Variants in TFPI observed in about 807,000 individuals in gnomAD.
TFPI encodes tissue factor pathway inhibitor.
TFPI carries 15 observed loss-of-function variants against 34.6 expected under a neutral mutation model. The observed-to-expected ratio is 0.43, with a 90% CI of 0.29 to 0.67. TFPI has a LOEUF of 0.67. TFPI is among the 30% of genes least tolerant of loss of function. TFPI has a pLI of 0.15. For missense variants in TFPI, 301 were observed against 364.0 expected (o/e 0.83, Z 1.41); for synonymous variants, 105 against 120.1 (o/e 0.87, Z 0.82).
At chr2:187,483,854 CAT>C (rs1693057033) in intron 6 of TFPI, 1 of 390,636 alleles carries the variant, frequency 2.6e-6, no homozygotes, top group African/African-American at 2.1e-5. Context: ...ATAAATTTGG[CAT>C]AGAGTTAAAT....
intron 6 of TFPI, among the ~76,000 whole-genome samples, chr2:187,474,590 C>A (rs1166709779): frequency 1.3e-5 from 2 of 152,044 alleles, no homozygotes; most frequent in Non-Finnish European, 2.9e-5. Flanking sequence ...AGGTTGAATC[C>A]AGTAACTTCT....
intron 1 of TFPI, among the ~76,000 whole-genome samples, chr2:187,536,161 G>T (rs1429873304): frequency 6.6e-6 from 1 of 152,166 alleles, no homozygotes; most frequent in Non-Finnish European, 1.5e-5. Flanking sequence ...AGTACAAAGA[G>T]TAGCTGGTAC....
At chr2:187,525,812 T>C (rs1687646951) in intron 1 of TFPI, among the ~76,000 whole-genome samples, 1 of 152,136 alleles carries the variant, frequency 6.6e-6, no homozygotes, top group African/African-American at 2.4e-5. Flanking sequence ...CTCAAACTTA[T>C]AGCCTCCAGG....
intron 1 of TFPI, 52 bp from the exon 2 acceptor site, chr2:187,503,822 C>A: frequency 6.3e-7 from 1 of 1,588,082 alleles, no homozygotes; most frequent in Non-Finnish European, 8.6e-7. Context: ...AATATGCACT[C>A]ATTTACAGAC....
chr2:187,535,123 C>G (rs1420951635), intron 1 of TFPI, among the ~76,000 whole-genome samples: 7 of 151,966 alleles, frequency 4.6e-5, no homozygotes, highest in Admixed American at 4.6e-4. Context: ...ATTTAGACTC[C>G]CACACAATAA....
chr2:187,529,541 C>G (rs1353042948), intron 1 of TFPI: 2 of 152,150 alleles, frequency 1.3e-5, no homozygotes, highest in Non-Finnish European at 2.9e-5. Flanking sequence ...TTCTTTAAGG[C>G]CATCAATCCT....
Position 187,532,180 on chromosome 2 carries a change from G to A in TFPI, c.-3+22020C>T, listed in dbSNP as rs571490980. ...TTAATATGTATAAGTGTGTGTATAT[G>A]TGTGATTATATTTATATGAGCATAT... On this transcript the variant is annotated intron_variant, in intron 1 of 7. Transcript: ENST00000233156. 3.5e-4 allele frequency among the ~76,000 whole-genome samples: 54 copies of A among 152,308 alleles called. No individual in the cohort carries two copies. The South Asian group carries it at 0.011, about 32-fold the overall frequency.
intron 1 of TFPI, among the ~76,000 whole-genome samples, chr2:187,538,544 G>A (rs1352089550): frequency 3.3e-5 from 5 of 152,106 alleles, no homozygotes; most frequent in Admixed American, 1.3e-4. Flanking sequence ...ATGAGAACAC[G>A]TGGACACAAG....
intron 1 of TFPI, among the ~76,000 whole-genome samples, chr2:187,548,467 T>A (rs74398859): frequency 0.019 from 2,824 of 152,162 alleles, 90 homozygotes; most frequent in African/African-American, 0.064. Context: ...AAAAAAGGTA[T>A]AAGCTCCCTT....
At position 187,554,398 on chromosome 2, in the gene TFPI, G is replaced by A. The variant is rs1468304977; in HGVS notation, c.-201C>T. 1.3e-5 allele frequency: 2 copies of A among 152,190 alleles called. No individual in the cohort carries two copies. The highest frequency in any genetic ancestry group is 2.9e-5 in the Non-Finnish European group (2 of 68,040). 9.4% of individuals were successfully genotyped at this position (152,190 alleles called of 1,614,324 possible). On this transcript the variant is annotated 5_prime_UTR_variant, in exon 1 of 8. Coordinates refer to ENST00000233156, the MANE Select transcript of TFPI (RefSeq NM_006287.6). ...TACTAGCAGTGAAAGAGCGAGGTAA[G>A]AATTTGACTATTATCCAGCCTAAAG...
rs138349562 is a variant in TFPI, at chr2:187,503,462, T to TACACACACACACAC, written c.121+172_121+185dup. 3.5e-5 allele frequency among the ~76,000 whole-genome samples: 5 copies of TACACACACACACAC among 142,214 alleles called. No homozygotes were observed. The East Asian group carries it at 8.2e-4, about 23-fold the overall frequency. The allele number at this position is 142,214 out of a possible 152,430, so 93.3% of individuals were successfully genotyped here. The stretch of plus-strand genomic sequence containing the variant: ...ACTGTTTAAAACACACATGTGCATG[T>TACACACACACACAC]ACACACACACACACACACACACACA... On this transcript the variant is annotated intron_variant, in intron 2 of 7. Transcript: ENST00000233156.
Position 187,507,593 on chromosome 2 carries a change from T to G in TFPI, c.-2-3823A>C, listed in dbSNP as rs146725955. Reference sequence around the variant, plus strand: ...TGATGGGCTTTTTTTCATATGTTTGTTGGCTGAGTAAATGTCTTCTTTTGA... The same window carrying G: ...TGATGGGCTTTTTTTCATATGTTTGGTGGCTGAGTAAATGTCTTCTTTTGA... On this transcript the variant is annotated intron_variant, in intron 1 of 7. Coordinates refer to ENST00000233156, the MANE Select transcript of TFPI (RefSeq NM_006287.6). Among the ~76,000 whole-genome samples the G allele has an allele frequency of 7.2e-5, 11 of 152,306 alleles. No homozygotes were observed. The East Asian group carries it at 1.2e-3, about 16-fold the overall frequency.
At chr2:187,473,484 T>C (rs1031394841) in intron 6 of TFPI, among the ~76,000 whole-genome samples, 2 of 152,206 alleles carry the variant, frequency 1.3e-5, no homozygotes, top group African/African-American at 4.8e-5. Context: ...CTGCATAATG[T>C]GGATATGGCC....
In TFPI at chr2:187,484,369, T is replaced by C. The variant is rs1693102222; in HGVS notation, c.536-153A>G. 6 of 621,672 alleles carry C rather than the reference T, an allele frequency of 9.7e-6. No homozygotes were observed. The Admixed American group carries it at 1.6e-4, about 16-fold the overall frequency. 38.5% of individuals were successfully genotyped at this position (621,672 alleles called of 1,614,324 possible). A position where few individuals can be genotyped will look rare whatever the true frequency, so the allele number is the denominator to read the frequency against. ...GCAAACAGTGAATCTTTAAATATAA[T>C]TGTAAGGTAATATTTCCATGAGTAA... On this transcript the variant is annotated intron_variant, in intron 5 of 7. Transcript: ENST00000233156.
intron 1 of TFPI, chr2:187,544,635 C>T (rs1434988416): frequency 1.4e-5 from 1 of 73,434 alleles, no homozygotes; most frequent in Non-Finnish European, 2.6e-5. Flanking sequence ...AGCAAGACTT[C>T]ATCTGGAAAA....
intron 1 of TFPI, among the ~76,000 whole-genome samples, chr2:187,540,173 G>A (rs1688499580): frequency 6.6e-6 from 1 of 152,226 alleles, no homozygotes; most frequent in African/African-American, 2.4e-5. Context: ...AAAGTGCTAG[G>A]ATTACAGGCG....
At chr2:187,489,400 A>C (rs3771058) in intron 3 of TFPI, among the ~76,000 whole-genome samples, 5 of 150,552 alleles carry the variant, frequency 3.3e-5, no homozygotes, top group Non-Finnish European at 7.4e-5. Flanking sequence ...GTGTGTGTGT[A>C]TATGTATAGC....
chr2:187,525,603 T>G (rs1422790103), intron 1 of TFPI, among the ~76,000 whole-genome samples: 1 of 152,072 alleles, frequency 6.6e-6, no homozygotes, highest in African/African-American at 2.4e-5. Context: ...TCCCAGTACT[T>G]CAGAATTCAA....
chr2:187,538,386 C>A (rs572037168), intron 1 of TFPI, among the ~76,000 whole-genome samples: 1 of 152,268 alleles, frequency 6.6e-6, no homozygotes, highest in East Asian at 1.9e-4. Context: ...ACATATACAC[C>A]ATGGAATACT....
Sources: gnomAD v4.1 joint callset for allele counts (sites outside exome capture counted in the v4.1 genomes callset) on GRCh38, gnomAD v4.1.1 for gene constraint, MANE v1.5 for transcripts, NCBI Gene and HGNC (gene_info 2026-07-23, HGNC 2026-07-21) for gene names.